Variants in TLL2 observed in about 807,000 individuals in gnomAD.
TLL2 encodes tolloid-like protein 2.
A neutral mutation model predicts 123.0 loss-of-function variants in TLL2; 106 were observed. That is an observed-to-expected ratio of 0.86 (90% CI 0.74 to 1.01). The LOEUF (loss-of-function observed/expected upper bound fraction) is 1.01, where lower values mean the gene tolerates loss of function less well. Ranked by LOEUF, TLL2 falls within the 50% of genes least tolerant of loss-of-function variation. The pLI, the probability that TLL2 is intolerant of heterozygous loss-of-function variation, is 0.00. For missense variants in TLL2, 1,332 were observed against 1,336.7 expected, an observed-to-expected ratio of 1.00 and a Z score of 0.06; for synonymous variants, 494 against 516.8, an observed-to-expected ratio of 0.96 and a Z score of 0.60.
At chr10:96,504,609 A>C (rs1423501565) in intron 1 of TLL2, among the ~76,000 whole-genome samples, 1 of 152,172 alleles carries the variant, frequency 6.6e-6, no homozygotes, top group Admixed American at 6.5e-5. Context: ...TAGATGAGCT[A>C]TCAGAATTGG....
At position 96,409,697 on chromosome 10, in the gene TLL2, C is replaced by T. The variant is rs114044458; in HGVS notation, c.1164+662G>A. 5.9e-5 allele frequency among the ~76,000 whole-genome samples: 9 copies of T among 152,262 alleles called. No individual in the cohort carries two copies. In the Middle Eastern group the frequency reaches 0.01, roughly 173 times the overall value. ...CCCTGGGCTCAGCTCTAGGGGGTCA[C>T]GGAATCTTCAAGACTAAAGGGATGT... On this transcript the variant is annotated intron_variant, in intron 9 of 20. Transcript: ENST00000357947.
chr10:96,478,176 C>T (rs1430413982), intron 2 of TLL2, among the ~76,000 whole-genome samples: 1 of 152,212 alleles, frequency 6.6e-6, no homozygotes, highest in Non-Finnish European at 1.5e-5. Context: ...CTGGCCACTG[C>T]CCTGCCTCTC....
intron 13 of TLL2, among the ~76,000 whole-genome samples, chr10:96,387,569 G>C (rs1223786524): frequency 6.6e-6 from 1 of 152,156 alleles, no homozygotes; most frequent in East Asian, 1.9e-4. Flanking sequence ...TGTTATTTAG[G>C]AGTTTTAGAA....
intron 1 of TLL2, among the ~76,000 whole-genome samples, chr10:96,510,991 C>T (rs1306944305): frequency 1.4e-4 from 22 of 152,150 alleles, no homozygotes; most frequent in Admixed American, 1.2e-3. Flanking sequence ...GGAGTCGTCC[C>T]GGTAACACAG....
At chr10:96,493,309 C>T (rs904755152) in intron 1 of TLL2, among the ~76,000 whole-genome samples, 3 of 152,154 alleles carry the variant, frequency 2.0e-5, no homozygotes, top group African/African-American at 7.2e-5. Flanking sequence ...TAACTTACAG[C>T]CTTGGAAATG....
chr10:96,433,376 C>CAT (rs1353823074), intron 3 of TLL2, among the ~76,000 whole-genome samples: 1 of 152,056 alleles, frequency 6.6e-6, no homozygotes, highest in Non-Finnish European at 1.5e-5. Flanking sequence ...ATAATTTGGC[C>CAT]AGTACAACAA....
At position 96,375,854 on chromosome 10, in the gene TLL2, T is replaced by C. The variant is rs1015406110; in HGVS notation, c.2448+838A>G. 7.9e-5 allele frequency among the ~76,000 whole-genome samples: 12 copies of C among 152,300 alleles called. 1 individual carries two copies. The highest frequency in any genetic ancestry group is 3.4e-3 in the Middle Eastern group (1 of 294). ...CACAGTTCATAGGGTCAATCCTACT[T>C]ACCTCTACAGTCAGAAAAACCCATT... On this transcript the variant is annotated intron_variant, in intron 18 of 20. Transcript: ENST00000357947.
rs1298488622 is a variant in TLL2 at position 96,477,468 on chromosome 10, C to A, written c.286+2881G>T. On this transcript the variant is annotated intron_variant, in intron 2 of 20. Coordinates refer to ENST00000357947, the MANE Select transcript of TLL2 (RefSeq NM_012465.4). ...GGCTCAAGCGATCCTCCCACCTCAG[C>A]CTCTCAAGTAGCTGGGACCACAGGG... Among the ~76,000 whole-genome samples, 3 of 151,940 alleles carry A rather than the reference C, an allele frequency of 2.0e-5. No homozygotes were observed. The South Asian group carries it at 6.2e-4, about 32-fold the overall frequency.
At chr10:96,439,385 A>G (rs997549445) in intron 3 of TLL2, among the ~76,000 whole-genome samples, 6 of 151,646 alleles carry the variant, frequency 4.0e-5, no homozygotes, top group African/African-American at 1.5e-4. Flanking sequence ...ACAGGTGTCT[A>G]AAACTTTTCA....
intron 13 of TLL2, 27 bp from the exon 14 acceptor site, chr10:96,387,105 T>C (rs758766494): frequency 1.9e-6 from 3 of 1,606,284 alleles, no homozygotes; most frequent in Admixed American, 3.3e-5. Flanking sequence ...GTGACCCCGG[T>C]TACATTGTCA....
chr10:96,489,202 G>A (rs1478329354), intron 1 of TLL2, among the ~76,000 whole-genome samples: 1 of 152,224 alleles, frequency 6.6e-6, no homozygotes, highest in African/African-American at 2.4e-5. Context: ...TATCAAAGCA[G>A]CTGCTCTCCT....
In TLL2 at chr10:96,395,291, T is replaced by G. The variant is rs143567200; in HGVS notation, c.1622A>C (p.Tyr541Ser). ...CGATTTCACATCCTCCGGCTTCTCA[T>G]AGCCACAAAAGTGGCCGATCAGGGC... ...ESALIGHFCG[Y>S]EKPEDVKSSS... Residue 541 changes from tyrosine to serine, a missense_variant, in exon 13 of 21, where the codon TAT becomes TCT. Coordinates refer to ENST00000357947, the MANE Select transcript of TLL2 (RefSeq NM_012465.4). The G allele has an allele frequency of 3.7e-6, 6 of 1,614,110 alleles. No individual in the cohort carries two copies. In the South Asian group the frequency reaches 4.4e-5, roughly 12 times the overall value.
chr10:96,406,329 G>C (rs1846449408), intron 9 of TLL2, among the ~76,000 whole-genome samples: 4 of 152,146 alleles, frequency 2.6e-5, no homozygotes, highest in Admixed American at 2.6e-4. Context: ...CTGAGGTGCA[G>C]TGGCTTGTCT....
At chr10:96,450,669 T>C (rs1846949328) in intron 2 of TLL2, among the ~76,000 whole-genome samples, 1 of 152,100 alleles carries the variant, frequency 6.6e-6, no homozygotes, top group East Asian at 1.9e-4. Flanking sequence ...CGTTTCTCCG[T>C]TTCAATAAAA....
At chr10:96,458,062 G>A (rs1329603575) in intron 2 of TLL2, among the ~76,000 whole-genome samples, 1 of 152,064 alleles carries the variant, frequency 6.6e-6, no homozygotes, top group Non-Finnish European at 1.5e-5. Flanking sequence ...GGGGTGGGAG[G>A]ATTGGTGGGG....
intron 2 of TLL2, among the ~76,000 whole-genome samples, chr10:96,474,346 C>T (rs1440236259): frequency 6.6e-6 from 1 of 152,196 alleles, no homozygotes; most frequent in Non-Finnish European, 1.5e-5. Context: ...TTTAATAGCA[C>T]CATCTACCCA....
rs572071972 is a variant in TLL2, at chr10:96,379,564, G to A, written c.2195-472C>T. Among the ~76,000 whole-genome samples, 260 of 152,312 alleles carry A rather than the reference G, an allele frequency of 1.7e-3. 2 individuals carry two copies. Among genetic ancestry groups the A allele is most frequent in the Admixed American group, 0.015 (228 of 15,300 alleles). On this transcript the variant is annotated intron_variant, in intron 16 of 20. Transcript: ENST00000357947. Reference sequence around the variant, plus strand: ...TGGCCAGGCATGGTGGCTCATGCCTGTAATCCCAGCACTTTGGGAGGCCGA... The same window carrying A: ...TGGCCAGGCATGGTGGCTCATGCCTATAATCCCAGCACTTTGGGAGGCCGA...
intron 17 of TLL2, among the ~76,000 whole-genome samples, chr10:96,377,125 A>G (rs930438291): frequency 1.2e-4 from 18 of 152,214 alleles, no homozygotes; most frequent in African/African-American, 4.3e-4. Context: ...GCCTCGGCCC[A>G]TGTCCTGGTT....
At chr10:96,501,557 G>A (rs2134114552) in intron 1 of TLL2, among the ~76,000 whole-genome samples, 1 of 152,324 alleles carries the variant, frequency 6.6e-6, no homozygotes, top group Admixed American at 6.5e-5. Flanking sequence ...AAATGTTTCA[G>A]CTTGACTTCC....
Sources: gnomAD v4.1 joint callset for allele counts (sites outside exome capture counted in the v4.1 genomes callset) on GRCh38, gnomAD v4.1.1 for gene constraint, MANE v1.5 for transcripts, NCBI Gene and HGNC (gene_info 2026-07-23, HGNC 2026-07-21) for gene names.